TSHR: variants seen among roughly 807,000 people sequenced by gnomAD.
TSHR encodes thyroid stimulating hormone receptor, also known as thyrotropin receptor.
In TSHR, 51 loss-of-function variants were observed where a neutral mutation model predicts 64.1. The ratio of observed to expected loss-of-function variants is 0.80; its 90% CI spans 0.64 to 1.01. The LOEUF (loss-of-function observed/expected upper bound fraction) is 1.01. TSHR is among the 50% of genes least tolerant of loss of function. TSHR has a pLI of 0.00. For missense variants in TSHR, 877 were observed against 942.8 expected (o/e 0.93, Z 0.91); for synonymous variants, 361 against 361.9 (o/e 1.00, Z 0.03).
chr14:81,070,298 T>C (rs984956583), intron 3 of TSHR, among the ~76,000 whole-genome samples: 2 of 151,952 alleles, frequency 1.3e-5, no homozygotes, highest in Admixed American at 6.6e-5. Context: ...CACATCATAG[T>C]AAAATTGCTA....
intron 1 of TSHR, among the ~76,000 whole-genome samples, chr14:80,971,697 A>G (rs1035645059): frequency 6.6e-6 from 1 of 152,224 alleles, no homozygotes; most frequent in Non-Finnish European, 1.5e-5. Flanking sequence ...AAGTCTTTCA[A>G]GTTGACACTA....
intron 1 of TSHR, among the ~76,000 whole-genome samples, chr14:81,002,372 T>C (rs1436461387): frequency 6.6e-6 from 1 of 152,114 alleles, no homozygotes; most frequent in Non-Finnish European, 1.5e-5. Context: ...TTGTGTGTGA[T>C]TTTGCTCTGT....
intron 8 of TSHR, among the ~76,000 whole-genome samples, chr14:81,124,479 A>C (rs936627002): frequency 6.6e-6 from 1 of 152,222 alleles, no homozygotes; most frequent in African/African-American, 2.4e-5. Context: ...TTCATTATCC[A>C]GAAAGTTCCC....
intron 6 of TSHR, 84 bp from the exon 7 acceptor site, chr14:81,096,555 G>A: frequency 7.2e-7 from 1 of 1,390,126 alleles, no homozygotes; most frequent in Non-Finnish European, 1.0e-6. Context: ...TTATGACACT[G>A]AAGAAATATA....
chr14:81,033,207 A>T, intron 1 of TSHR: 1 of 457,164 alleles, frequency 2.2e-6, no homozygotes. Context: ...TCTCATCCAC[A>T]AAAATCTGAA....
At position 81,144,453 on chromosome 14, in the gene TSHR, T is replaced by A; in HGVS notation, c.*100T>A. ...TGACACCCCCAACACATAGCTGCCCTCACTCTTGTGCAGGCGATGTTTCAA... is the reference window on the plus strand; with the variant it reads ...TGACACCCCCAACACATAGCTGCCCACACTCTTGTGCAGGCGATGTTTCAA... On this transcript the variant is annotated 3_prime_UTR_variant, in exon 10 of 10. Coordinates refer to ENST00000298171, the MANE Select transcript of TSHR (RefSeq NM_000369.5). The A allele has an allele frequency of 1.7e-6, 2 of 1,211,926 alleles. No individual in the cohort carries two copies. Among genetic ancestry groups the A allele is most frequent in the Non-Finnish European group, 2.4e-6 (2 of 835,126 alleles). The allele number at this position is 1,211,926 out of a possible 1,614,324, so 75.1% of individuals were successfully genotyped here. A position where few individuals can be genotyped will look rare whatever the true frequency, so the allele number is the denominator to read the frequency against.
At chr14:80,983,645 G>A (rs1183294786) in intron 1 of TSHR, 3 of 848,060 alleles carry the variant, frequency 3.5e-6, no homozygotes, top group Non-Finnish European at 5.5e-6. Flanking sequence ...TGTAAAATGA[G>A]CCAGAGATAG....
intron 1 of TSHR, chr14:81,003,234 G>A (rs1034864959): frequency 8.5e-5 from 13 of 152,074 alleles, no homozygotes; most frequent in Admixed American, 2.6e-4. Context: ...GCTCATTAAA[G>A]GTTGACCTCC....
Position 81,103,129 on chromosome 14 carries a change from A to C in TSHR, c.615-5246A>C. On this transcript the variant is annotated intron_variant, in intron 7 of 9. Transcript: ENST00000298171. This position sits in a 1 kb window ranked among gnomAD's most constrained non-coding sequence, Gnocchi z 4.1. ...TGATAAGGAGCCCTGGGACTGGAGG[A>C]AGACAAGGATTGAGCTATAGGTGAA... 1 of 985,436 alleles carries C rather than the reference A, an allele frequency of 1.0e-6. No individual in the cohort carries two copies. The highest frequency in any genetic ancestry group is 4.7e-5 in the South Asian group (1 of 21,286). 61.0% of individuals were successfully genotyped at this position (985,436 alleles called of 1,614,324 possible). A position where few individuals can be genotyped will look rare whatever the true frequency, so the allele number is the denominator to read the frequency against.
chr14:80,998,302 C>G (rs1889130276), intron 1 of TSHR, among the ~76,000 whole-genome samples: 1 of 151,922 alleles, frequency 6.6e-6, no homozygotes, highest in Non-Finnish European at 1.5e-5. Flanking sequence ...TTGTTCAGAT[C>G]AATATTGTTT....
chr14:81,110,305 G>C (rs1252698778), intron 8 of TSHR, among the ~76,000 whole-genome samples: 1 of 152,158 alleles, frequency 6.6e-6, no homozygotes, highest in African/African-American at 2.4e-5. Context: ...TTAAAATAAG[G>C]CTGTTAGGTG....
At chr14:81,081,171 A>G (rs1262398700) in intron 3 of TSHR, among the ~76,000 whole-genome samples, 1 of 152,184 alleles carries the variant, frequency 6.6e-6, no homozygotes, top group Non-Finnish European at 1.5e-5. Flanking sequence ...TGGGCAGCAT[A>G]GCATGACCCT....
At chr14:81,123,422 A>G (rs1433556643) in intron 8 of TSHR, among the ~76,000 whole-genome samples, 1 of 152,222 alleles carries the variant, frequency 6.6e-6, no homozygotes, top group Non-Finnish European at 1.5e-5. Flanking sequence ...AAGATCCCAG[A>G]GGAAATAAGT....
chr14:80,956,836 T>G (rs913706083), intron 1 of TSHR, among the ~76,000 whole-genome samples: 2 of 152,182 alleles, frequency 1.3e-5, no homozygotes, highest in African/African-American at 2.4e-5. Context: ...CTCAGAGATA[T>G]CCTAGTGTCT....
In TSHR at chr14:81,121,250, A is replaced by G. The variant is rs190477706; in HGVS notation, c.692+12798A>G. 4.0e-4 allele frequency among the ~76,000 whole-genome samples: 61 copies of G among 152,260 alleles called. No individual in the cohort carries two copies. In the East Asian group the frequency reaches 0.012, roughly 29 times the overall value. ...CAATGGGATAAAAATAATAAATTAA[A>G]GGCGTCTAGACAGAGAAATCATGTG... On this transcript the variant is annotated intron_variant, in intron 8 of 9. Coordinates refer to ENST00000298171, the MANE Select transcript of TSHR (RefSeq NM_000369.5).
intron 1 of TSHR, among the ~76,000 whole-genome samples, chr14:81,053,991 T>C (rs983989026): frequency 1.3e-5 from 2 of 152,230 alleles, no homozygotes; most frequent in East Asian, 3.8e-4. Context: ...TCTGTGATGA[T>C]AGAAGTCAGA....
chr14:81,037,067 C>T (rs779784528), intron 1 of TSHR, among the ~76,000 whole-genome samples: 26 of 151,828 alleles, frequency 1.7e-4, no homozygotes, highest in Middle Eastern at 3.4e-3. Flanking sequence ...TGCTTGAACC[C>T]GGGAGACGAG....
At chr14:81,137,879 A>G (rs953879453) in intron 8 of TSHR, among the ~76,000 whole-genome samples, 2 of 152,204 alleles carry the variant, frequency 1.3e-5, no homozygotes, top group Admixed American at 6.5e-5. Context: ...GAGCCATGAG[A>G]TGCTCTCCCG....
intron 1 of TSHR, among the ~76,000 whole-genome samples, 181 bp from the exon 2 acceptor site, chr14:81,061,967 A>G (rs1886277007): frequency 6.6e-6 from 1 of 152,132 alleles, no homozygotes; most frequent in South Asian, 2.1e-4. Flanking sequence ...TTATTGGGAG[A>G]AAAAAATGTG....
Sources: gnomAD v4.1 joint callset for allele counts (sites outside exome capture counted in the v4.1 genomes callset) on GRCh38, gnomAD v4.1.1 for gene constraint, Gnocchi (gnomAD v3.1) non-coding constraint, MANE v1.5 for transcripts, NCBI Gene and HGNC (gene_info 2026-07-23, HGNC 2026-07-21) for gene names.